ERBB4: variants seen among roughly 807,000 people sequenced by gnomAD.
ERBB4 encodes receptor tyrosine-protein kinase erbB-4.
In ERBB4, 42 loss-of-function variants were observed where a neutral mutation model predicts 158.0. That is an observed-to-expected ratio of 0.27 (90% CI 0.21 to 0.34). The LOEUF is 0.34. ERBB4 is among the 10% of genes least tolerant of loss of function. The pLI is 1.00. For synonymous variants in ERBB4, 583 were observed against 558.7 expected (o/e 1.04, Z -0.61); for missense variants, 1,333 against 1,624.1 (o/e 0.82, Z 3.08).
At chr2:211,899,438 A>AT (rs1437311329) in intron 3 of ERBB4, among the ~76,000 whole-genome samples, 3 of 152,132 alleles carry the variant, frequency 2.0e-5, no homozygotes, top group African/African-American at 7.2e-5. Context: ...ATGACATTAT[A>AT]TTTTTTCTAA....
At chr2:212,374,453 T>A (rs910892436) in intron 1 of ERBB4, among the ~76,000 whole-genome samples, 5 of 152,062 alleles carry the variant, frequency 3.3e-5, no homozygotes, top group Non-Finnish European at 7.4e-5. Context: ...ATAATTTCTC[T>A]GTGACCAAGT....
At chr2:212,348,318 T>C (rs1030518403) in intron 1 of ERBB4, among the ~76,000 whole-genome samples, 2 of 152,178 alleles carry the variant, frequency 1.3e-5, no homozygotes, top group South Asian at 4.1e-4. Context: ...TGCTGGAAAG[T>C]GTGGCCACAA....
intron 2 of ERBB4, among the ~76,000 whole-genome samples, chr2:211,975,971 A>C (rs2081594744): frequency 6.6e-6 from 1 of 152,158 alleles, no homozygotes; most frequent in South Asian, 2.1e-4. Flanking sequence ...GATGTTTAAC[A>C]ATATTTTATT....
intron 1 of ERBB4, among the ~76,000 whole-genome samples, chr2:212,489,251 T>C (rs527287214): frequency 7.0e-4 from 107 of 152,000 alleles, no homozygotes; most frequent in African/African-American, 2.4e-3. Flanking sequence ...GTGAGAGATA[T>C]CGTATTACCA....
chr2:211,611,810 A>G lies in ERBB4; in HGVS notation c.2301+7367T>C, dbSNP rs189421980. 6.4e-4 allele frequency among the ~76,000 whole-genome samples: 98 copies of G among 152,264 alleles called. 2 individuals carry two copies. Among genetic ancestry groups the G allele is most frequent in the African/African-American group, 2.2e-3 (91 of 41,564 alleles). Reference sequence around the variant, plus strand: ...AGTCACCAAGAACTCAGAAGTAAGAAGCTAAAAATGAAACCTAATACTACC... The same window carrying G: ...AGTCACCAAGAACTCAGAAGTAAGAGGCTAAAAATGAAACCTAATACTACC... On this transcript the variant is annotated intron_variant, in intron 19 of 27. Coordinates refer to ENST00000342788, the MANE Select transcript of ERBB4 (RefSeq NM_005235.3).
chr2:212,191,657 T>C lies in ERBB4; in HGVS notation c.83-66754A>G, dbSNP rs550224648. ...TGCATGCTATATATAACACATGCGT[T>C]ATACATGTCATATATCGCGTGTGTT... On this transcript the variant is annotated intron_variant, in intron 1 of 27. Transcript: ENST00000342788. 6.2e-4 allele frequency among the ~76,000 whole-genome samples: 88 copies of C among 141,200 alleles called. 4 individuals are homozygous for C. Among genetic ancestry groups the C allele is most frequent in the Non-Finnish European group, 9.7e-4 (62 of 63,742 alleles). 92.6% of individuals were successfully genotyped at this position (141,200 alleles called of 152,430 possible).
intron 26 of ERBB4, 144 bp from the exon 27 acceptor site, chr2:211,387,294 T>C (rs2062707142): frequency 1.4e-6 from 1 of 724,132 alleles, no homozygotes; most frequent in Admixed American, 2.2e-5. Flanking sequence ...TAGTGGCTAA[T>C]GGAGTTACAA....
At chr2:211,685,533 T>A (rs7605957) in intron 12 of ERBB4, among the ~76,000 whole-genome samples, 150,395 of 152,338 alleles carry the variant, frequency 0.99, 74,242 homozygotes, top group East Asian at 1. Flanking sequence ...TATGTAATAA[T>A]TCTTGAAAAT....
At chr2:212,205,035 C>T (rs541438968) in intron 1 of ERBB4, among the ~76,000 whole-genome samples, 102 of 151,702 alleles carry the variant, frequency 6.7e-4, no homozygotes, top group African/African-American at 2.2e-3. Flanking sequence ...CCAGGCTAGT[C>T]TCAAACTCTG....
chr2:211,513,387 A>C (rs1045020027), intron 20 of ERBB4, among the ~76,000 whole-genome samples: 2 of 148,292 alleles, frequency 1.3e-5, no homozygotes, highest in South Asian at 2.1e-4. Context: ...CAAAAAAAAA[A>C]CACTGATCCT....
At chr2:212,074,888 C>T (rs2078228753) in intron 2 of ERBB4, among the ~76,000 whole-genome samples, 1 of 151,906 alleles carries the variant, frequency 6.6e-6, no homozygotes, top group African/African-American at 2.4e-5. Context: ...TTCCTCTAAC[C>T]AAACAATATT....
intron 26 of ERBB4, 112 bp from the exon 27 acceptor site, chr2:211,387,262 T>A: frequency 1.1e-6 from 1 of 932,196 alleles, no homozygotes; most frequent in South Asian, 1.3e-5. Flanking sequence ...ATAGTCATAG[T>A]ATTTACTGGT....
intron 1 of ERBB4, among the ~76,000 whole-genome samples, chr2:212,289,629 T>C (rs1334284223): frequency 1.3e-5 from 2 of 152,126 alleles, no homozygotes; most frequent in Non-Finnish European, 2.9e-5. Context: ...AACAGAAGAA[T>C]TGGGCTCAAT....
rs1366336180 is a variant in ERBB4, at chr2:211,705,359, G to A, written c.1157C>T (p.Pro386Leu). The change falls in exon 10 of 28, where the codon CCA becomes CTA. Residue 386 changes from proline to leucine, a missense_variant. By Grantham distance (98) the Pro-to-Leu change is moderately conservative. This residue lies in a region of ERBB4 where 438 missense variants were observed against 586.9 expected (regional missense o/e 0.75). Transcript: ENST00000342788. ...TGTCCGAAAGACGTTCAGTTTCTCTGGGTCTATGGCTTCAATTGCATTGTA... is the reference window on the plus strand; with the variant it reads ...TGTCCGAAAGACGTTCAGTTTCTCTAGGTCTATGGCTTCAATTGCATTGTA... ...DPYNAIEAID[P>L]EKLNVFRTVR... is the part of the protein sequence containing the mutation. 2 of 1,613,146 alleles carry A rather than the reference G, an allele frequency of 1.2e-6. No individual in the cohort carries two copies. The highest frequency in any genetic ancestry group is 1.7e-6 in the Non-Finnish European group (2 of 1,179,202).
At position 211,419,909 on chromosome 2, in the gene ERBB4, A is replaced by G. The variant is rs569021106; in HGVS notation, c.3135+532T>C. 1.6e-4 allele frequency among the ~76,000 whole-genome samples: 24 copies of G among 152,210 alleles called. No homozygotes were observed. In the South Asian group the frequency reaches 4.8e-3, roughly 30 times the overall value. ...AAACTTAAATCTACTTCTTAAAAAC[A>G]AAAATCTACTTCTCAGCAGCCTTTT... On this transcript the variant is annotated intron_variant, in intron 25 of 27. Coordinates refer to ENST00000342788, the MANE Select transcript of ERBB4 (RefSeq NM_005235.3).
intron 3 of ERBB4, among the ~76,000 whole-genome samples, chr2:211,923,131 A>G (rs1462210359): frequency 6.6e-6 from 1 of 152,164 alleles, no homozygotes; most frequent in Non-Finnish European, 1.5e-5. Flanking sequence ...GAACTTTTGC[A>G]TATGAATGAA....
chr2:212,099,168 T>A (rs1336031020), intron 2 of ERBB4, among the ~76,000 whole-genome samples: 1 of 121,496 alleles, frequency 8.2e-6, no homozygotes. Flanking sequence ...AATAAATAAA[T>A]AAATAAATAA....
intron 1 of ERBB4, among the ~76,000 whole-genome samples, chr2:212,400,087 G>A (rs911913974): frequency 4.6e-5 from 7 of 152,132 alleles, no homozygotes; most frequent in Non-Finnish European, 7.4e-5. Context: ...AGAAGTTATA[G>A]TGAAGGAAAA....
chr2:212,151,917 C>T (rs779164776), intron 1 of ERBB4, among the ~76,000 whole-genome samples: 1 of 152,146 alleles, frequency 6.6e-6, no homozygotes, highest in African/African-American at 2.4e-5. Flanking sequence ...CCACATTTCA[C>T]ATTTCATAAG....
Sources: gnomAD v4.1 joint callset for allele counts (sites outside exome capture counted in the v4.1 genomes callset) on GRCh38, gnomAD v4.1.1 for gene constraint, gnomAD v4.1.1 regional missense constraint, MANE v1.5 for transcripts, NCBI Gene and HGNC (gene_info 2026-07-23, HGNC 2026-07-21) for gene names.